Variants in KCNN2 observed in about 807,000 individuals in gnomAD.
KCNN2 encodes the protein small conductance calcium-activated potassium channel protein 2.
KCNN2 carries 24 observed loss-of-function variants against 55.5 expected under a neutral mutation model. The observed-to-expected ratio is 0.43, with a 90% CI of 0.31 to 0.61. The LOEUF is 0.61. KCNN2 is among the 20% of genes least tolerant of loss of function. The pLI, the probability that KCNN2 is intolerant of heterozygous loss-of-function variation, is 0.08. For missense variants in KCNN2, 754 were observed against 853.6 expected (o/e 0.88, Z 1.45); for synonymous variants, 431 against 336.1 (o/e 1.28, Z -3.09).
At position 114,320,448 on chromosome 5, in the gene KCNN2, C is replaced by T. The variant is rs553873068; in HGVS notation, c.-184-40497C>T. ...CTAACATGGTGAAACACCGTCTCTA[C>T]TAAAAAATACAAAAAATTAGCCAGG... On this transcript the variant is annotated intron_variant, in intron 2 of 10. Transcript: ENST00000512097. Among the ~76,000 whole-genome samples, 21 of 151,996 alleles carry T rather than the reference C, an allele frequency of 1.4e-4. No homozygotes were observed. In the South Asian group the frequency reaches 4.4e-3, roughly 32 times the overall value.
chr5:114,483,377 C>T (rs995901238), intron 5 of KCNN2, among the ~76,000 whole-genome samples: 1 of 150,420 alleles, frequency 6.6e-6, no homozygotes, highest in African/African-American at 2.4e-5. Flanking sequence ...TGGGTTCAAG[C>T]GATTCTCCTG....
At chr5:114,244,062 A>C (rs4321744) in intron 2 of KCNN2, among the ~76,000 whole-genome samples, 13,128 of 152,258 alleles carry the variant, frequency 0.086, 763 homozygotes, top group Non-Finnish European at 0.12. Flanking sequence ...TTACTGATAT[A>C]TGAATGCATG....
chr5:114,372,887 A>G (rs1291978590), intron 2 of KCNN2, among the ~76,000 whole-genome samples: 2 of 151,962 alleles, frequency 1.3e-5, no homozygotes, highest in African/African-American at 2.4e-5. Context: ...TATTTTCCCT[A>G]TTTTGGACAC....
intron 2 of KCNN2, among the ~76,000 whole-genome samples, chr5:114,238,385 G>A (rs1561535528): frequency 6.6e-6 from 1 of 152,010 alleles, no homozygotes; most frequent in Non-Finnish European, 1.5e-5. Flanking sequence ...TAGCACTTTG[G>A]GAGGCCGAGG....
At chr5:114,295,912 T>C (rs1756003154) in intron 2 of KCNN2, among the ~76,000 whole-genome samples, 4 of 152,158 alleles carry the variant, frequency 2.6e-5, no homozygotes. Flanking sequence ...AGTAGTAATA[T>C]GGATAAATAA....
chr5:114,128,101 G>T (rs980207670), intron 1 of KCNN2, among the ~76,000 whole-genome samples: 3 of 152,064 alleles, frequency 2.0e-5, no homozygotes, highest in Non-Finnish European at 2.9e-5. Context: ...TTGTTACCCA[G>T]TTCTAAAGTT....
intron 2 of KCNN2, among the ~76,000 whole-genome samples, chr5:114,401,247 AAAC>A (rs1177762178): frequency 6.6e-6 from 1 of 152,238 alleles, no homozygotes; most frequent in Non-Finnish European, 1.5e-5. Flanking sequence ...GATAGTAAAA[AAAC>A]AACTATGTAA....
At chr5:114,480,759 C>G (rs115543021) in intron 5 of KCNN2, among the ~76,000 whole-genome samples, 2,569 of 152,176 alleles carry the variant, frequency 0.017, 81 homozygotes, top group African/African-American at 0.057. Context: ...GAACTAAGGA[C>G]AAAAACCACA....
At chr5:114,417,423 C>T (rs538942979) in intron 3 of KCNN2, among the ~76,000 whole-genome samples, 46 of 152,192 alleles carry the variant, frequency 3.0e-4, no homozygotes, top group Middle Eastern at 3.4e-3. Context: ...TTGGAGGTGT[C>T]GGTGTGAAGT....
chr5:114,332,159 G>A (rs753199700), intron 2 of KCNN2, among the ~76,000 whole-genome samples: 4 of 152,132 alleles, frequency 2.6e-5, no homozygotes, highest in Non-Finnish European at 4.4e-5. Flanking sequence ...TAAAAGTATA[G>A]AATATTCTCT....
intron 2 of KCNN2, among the ~76,000 whole-genome samples, chr5:114,272,411 AT>A (rs1561549116): frequency 1.0e-4 from 2 of 19,856 alleles, no homozygotes; most frequent in Non-Finnish European, 3.6e-4. Flanking sequence ...GTATGTACAT[AT>A]CTACACACAT....
intron 1 of KCNN2, among the ~76,000 whole-genome samples, chr5:114,199,170 G>A (rs1206722089): frequency 6.6e-6 from 1 of 151,926 alleles, no homozygotes. Flanking sequence ...CTTTATCATT[G>A]CATAATGACC....
chr5:114,446,378 T>C (rs1760408560), intron 3 of KCNN2, among the ~76,000 whole-genome samples: 1 of 152,236 alleles, frequency 6.6e-6, no homozygotes. Flanking sequence ...CATTTATATA[T>C]GTGTTCTGTG....
At chr5:114,106,643 G>GTTTTTTTTTTT (rs149036166) in intron 1 of KCNN2, among the ~76,000 whole-genome samples, 90 of 69,852 alleles carry the variant, frequency 1.3e-3, no homozygotes, top group African/African-American at 1.8e-3. Flanking sequence ...TTTTCCAGTT[G>GTTTTTTTTTTT]TTTTTTTTTT....
At chr5:114,168,422 T>G (rs1752963613) in intron 1 of KCNN2, among the ~76,000 whole-genome samples, 1 of 152,122 alleles carries the variant, frequency 6.6e-6, no homozygotes, top group African/African-American at 2.4e-5. Context: ...TGGTTAAGCA[T>G]TTCTTCCAAT....
chr5:114,132,128 A>C (rs1269087277), intron 1 of KCNN2, among the ~76,000 whole-genome samples: 2 of 152,114 alleles, frequency 1.3e-5, no homozygotes, highest in Non-Finnish European at 2.9e-5. Context: ...GAAGCTCTTT[A>C]GTTTAATTAG....
intron 1 of KCNN2, among the ~76,000 whole-genome samples, chr5:114,119,463 T>G (rs1295393537): frequency 6.6e-6 from 1 of 152,232 alleles, no homozygotes; most frequent in African/African-American, 2.4e-5. Flanking sequence ...ACCAGTTTTC[T>G]AATCTGTCCT....
Position 114,152,765 on chromosome 5 carries a change from A to G in KCNN2, c.-270-68715A>G, listed in dbSNP as rs138821054. On this transcript the variant is annotated intron_variant, in intron 1 of 10. Coordinates refer to the KCNN2 transcript ENST00000512097. ...TCTAAAGGATGAGTAGGAGTTACTC[A>G]TAGGGAGAGGAGAGGAAAACACGTG... is the stretch of plus-strand genomic sequence containing the variant. Among the ~76,000 whole-genome samples the G allele has an allele frequency of 2.0e-3, 297 of 152,288 alleles. 4 individuals carry two copies. The highest frequency in any genetic ancestry group is 0.01 in the Middle Eastern group (3 of 294).
At chr5:114,381,318 T>G (rs967908827) in intron 2 of KCNN2, among the ~76,000 whole-genome samples, 15 of 152,218 alleles carry the variant, frequency 9.9e-5, no homozygotes, top group Non-Finnish European at 1.9e-4. Context: ...TTGGTTGAAA[T>G]CATTGCAGGG....
Sources: gnomAD v4.1 joint callset for allele counts (sites outside exome capture counted in the v4.1 genomes callset) on GRCh38, gnomAD v4.1.1 for gene constraint, MANE v1.5 for transcripts, NCBI Gene and HGNC (gene_info 2026-07-23, HGNC 2026-07-21) for gene names.